Variants in CD1B observed in about 807,000 individuals in gnomAD.
CD1B encodes the protein CD1b molecule.
Under a neutral mutation model 39.8 loss-of-function variants are expected in CD1B, and 43 were observed. The observed-to-expected ratio is 1.08, with a 90% confidence interval of 0.85 to 1.39. CD1B has a LOEUF of 1.39. Among genes scored for constraint, CD1B ranks in the 40% most tolerant of loss-of-function variants. The pLI, the probability that CD1B is intolerant of heterozygous loss-of-function variation, is 0.00. For synonymous variants in CD1B, 192 were observed against 152.5 expected (o/e 1.26, Z -1.91); for missense variants, 495 against 403.8 (o/e 1.23, Z -1.94).
chr1:158,303,686 A>C, the CD1B span, among the ~76,000 whole-genome samples: 1 of 152,206 alleles, frequency 6.6e-6, no homozygotes, highest in African/African-American at 2.4e-5. Context: ...TCACAAAAAG[A>C]ATAAAATGCT....
At chr1:158,297,039 T>C in the CD1B span, among the ~76,000 whole-genome samples, 5 of 152,126 alleles carry the variant, frequency 3.3e-5, no homozygotes, top group Non-Finnish European at 5.9e-5. Flanking sequence ...GAGGATATTG[T>C]CCATGACAAT....
chr1:158,322,449 G>A, the CD1B span, among the ~76,000 whole-genome samples: 13 of 142,114 alleles, frequency 9.1e-5, no homozygotes, highest in Admixed American at 6.4e-4. Flanking sequence ...GTGTTTTCTC[G>A]TAAGATGCGG....
chr1:158,323,030 C>A (rs1243419659), downstream of CD1B, among the ~76,000 whole-genome samples: 1 of 152,108 alleles, frequency 6.6e-6, no homozygotes, highest in Non-Finnish European at 1.5e-5. Context: ...GCATTTACAT[C>A]TTTTTCCAGG....
the CD1B span, among the ~76,000 whole-genome samples, chr1:158,285,869 G>A: frequency 6.6e-6 from 1 of 152,108 alleles, no homozygotes; most frequent in East Asian, 1.9e-4. Context: ...AGTTGAGGAG[G>A]AAATGAAAGG....
rs1246720888 is a variant in CD1B, at chr1:158,328,223, A to G, written c.*13T>C. 2 of 1,607,922 alleles carry G rather than the reference A, an allele frequency of 1.2e-6. No homozygotes were observed. The highest frequency in any genetic ancestry group is 3.3e-5 in the Admixed American group (2 of 59,930). On this transcript the variant is annotated 3_prime_UTR_variant, in exon 6 of 6. Transcript: ENST00000368168. The stretch of plus-strand genomic sequence containing the variant: ...GTACTTATTGCGAATGGGAGAGGAG[A>G]CATGATGATGGCTCATGGGATATTC...
the CD1B span, chr1:158,291,979 C>A: frequency 8.9e-7 from 1 of 1,127,416 alleles, no homozygotes; most frequent in Non-Finnish European, 1.3e-6. Context: ...CTCTCACATC[C>A]ATGTAAAACT....
chr1:158,328,570 G>C (rs1016998734), intron 5 of CD1B, among the ~76,000 whole-genome samples: 1 of 152,148 alleles, frequency 6.6e-6, no homozygotes, highest in Non-Finnish European at 1.5e-5. Flanking sequence ...ATGTAGAGCT[G>C]TCCTAACCAG....
chr1:158,297,492 C>T, the CD1B span, among the ~76,000 whole-genome samples: 1 of 152,142 alleles, frequency 6.6e-6, no homozygotes. Flanking sequence ...CATAAATGCA[C>T]TTAAGTAAAC....
the CD1B span, among the ~76,000 whole-genome samples, chr1:158,318,292 G>T: frequency 3.3e-4 from 51 of 152,252 alleles, no homozygotes; most frequent in African/African-American, 1.2e-3. Flanking sequence ...TAATGTGTGG[G>T]AGTCTAAGTC....
chr1:158,323,284 G>A (rs139504473), downstream of CD1B, among the ~76,000 whole-genome samples: 376 of 151,180 alleles, frequency 2.5e-3, 2 homozygotes, highest in African/African-American at 8.1e-3. Context: ...GTTAATGCTC[G>A]TATTGCATTT....
chr1:158,326,193 C>T (rs990770847), downstream of CD1B, among the ~76,000 whole-genome samples: 6 of 152,054 alleles, frequency 3.9e-5, no homozygotes, highest in African/African-American at 1.4e-4. Flanking sequence ...AGGATGGTCT[C>T]AATCAACTGA....
chr1:158,318,239 A>G, the CD1B span, among the ~76,000 whole-genome samples: 1 of 152,142 alleles, frequency 6.6e-6, no homozygotes, highest in Non-Finnish European at 1.5e-5. Flanking sequence ...TGTCTTGTTG[A>G]TCTGTCTAAT....
chr1:158,330,724 G>A (rs1652563783), intron 2 of CD1B, 72 bp downstream of exon 2: 1 of 1,443,482 alleles, frequency 6.9e-7, no homozygotes, highest in Non-Finnish European at 9.8e-7. Flanking sequence ...GCATCAGAGA[G>A]AGCAACACTT....
chr1:158,329,428 G>T lies in CD1B; in HGVS notation c.828C>A (p.Gly276=), dbSNP rs1356254386. ...TLDVADGEAA[G]LSCRVKHSSL... ...TGCTGTGCTTCACCCGACAGGACAG[G>T]CCAGCCGCCTCCCCATCTGCCACAT... is the stretch of plus-strand genomic sequence containing the variant. The change falls in exon 4 of 6, where the codon GGC becomes GGA. Residue 276 remains glycine (G), a synonymous_variant. Coordinates refer to ENST00000368168, the MANE Select transcript of CD1B (RefSeq NM_001764.3). 1 of 1,614,016 alleles carries T rather than the reference G, an allele frequency of 6.2e-7. No homozygotes were observed. The highest frequency in any genetic ancestry group is 8.5e-7 in the Non-Finnish European group (1 of 1,180,036).
the CD1B span, among the ~76,000 whole-genome samples, chr1:158,295,242 C>T: frequency 1.3e-5 from 2 of 151,834 alleles, no homozygotes; most frequent in Non-Finnish European, 2.9e-5. Context: ...GGAAAGAAGG[C>T]ATTGAGAGTG....
At chr1:158,307,371 A>G in the CD1B span, among the ~76,000 whole-genome samples, 1 of 152,182 alleles carries the variant, frequency 6.6e-6, no homozygotes, top group African/African-American at 2.4e-5. Context: ...ACACCCCCCC[A>G]AGACTAAATC....
At chr1:158,292,588 C>A in the CD1B span, 2 of 1,610,938 alleles carry the variant, frequency 1.2e-6, no homozygotes, top group South Asian at 2.2e-5. Flanking sequence ...TTTTTCTGCT[C>A]TCTGCAGTGA....
At chr1:158,315,056 T>C in the CD1B span, among the ~76,000 whole-genome samples, 1 of 150,106 alleles carries the variant, frequency 6.7e-6, no homozygotes, top group Non-Finnish European at 1.5e-5. Flanking sequence ...CAGTCTATCA[T>C]TGTTGGACAT....
intron 3 of CD1B, 90 bp from the exon 4 acceptor site, chr1:158,329,738 C>T (rs1652508928): frequency 4.5e-6 from 7 of 1,562,712 alleles, no homozygotes; most frequent in Middle Eastern, 1.7e-4. Context: ...GACAGCGACC[C>T]CATTCACTCC....
Sources: gnomAD v4.1 joint callset for allele counts (sites outside exome capture counted in the v4.1 genomes callset) on GRCh38, gnomAD v4.1.1 for gene constraint, MANE v1.5 for transcripts, NCBI Gene and HGNC (gene_info 2026-07-23, HGNC 2026-07-21) for gene names.